Variants in OVOL1 observed in about 807,000 individuals in gnomAD.
The protein encoded by OVOL1 is putative transcription factor Ovo-like 1.
Under a neutral mutation model 21.5 loss-of-function variants are expected in OVOL1, and 10 were observed. The observed-to-expected ratio is 0.46, with a 90% confidence interval of 0.29 to 0.79. The LOEUF is 0.79. Ranked by LOEUF, OVOL1 falls within the 30% of genes least tolerant of loss-of-function variation. OVOL1 has a pLI of 0.10. For synonymous variants in OVOL1, 129 were observed against 150.3 expected (o/e 0.86, Z 1.03); for missense variants, 279 against 362.3 (o/e 0.77, Z 1.87).
At position 65,794,262 on chromosome 11, in the gene OVOL1, C is replaced by T. The variant is rs775259681; in HGVS notation, c.318+14C>T. The T allele has an allele frequency of 1.9e-5, 31 of 1,604,532 alleles. No individual in the cohort carries two copies. In the Middle Eastern group the frequency reaches 4.9e-4, roughly 26 times the overall value. On this transcript the variant is annotated intron_variant, in intron 2 of 3. Transcript: ENST00000335987. ...ACCAAGATGAAGGTAATGCCACTCG[C>T]GCTGTCTCCGAGGGCCGGGGGCGTG...
Position 65,787,142 on chromosome 11 carries a change from C to G in OVOL1, c.-232C>G. ...TTACCTGCCGCTTCCCCGCGCCGCC[C>G]GGTGCACCTGGCCGCAAGGGACCTC... On this transcript the variant is annotated 5_prime_UTR_variant, in exon 1 of 4. Transcript: ENST00000335987. The G allele has an allele frequency of 2.4e-6, 1 of 422,528 alleles. No homozygotes were observed. Among genetic ancestry groups the G allele is most frequent in the Non-Finnish European group, 4.4e-6 (1 of 225,954 alleles). 26.2% of individuals were successfully genotyped at this position (422,528 alleles called of 1,614,324 possible). A position where few individuals can be genotyped will look rare whatever the true frequency, so the allele number is the denominator to read the frequency against.
At chr11:65,790,936 G>C (rs974414572) in intron 1 of OVOL1, 1 of 152,550 alleles carries the variant, frequency 6.6e-6, no homozygotes, top group Non-Finnish European at 1.5e-5. Context: ...GGGCTCCTTT[G>C]TATCATCGGC....
In OVOL1 at chr11:65,795,160, G is replaced by C; in HGVS notation, c.623G>C (p.Arg208Pro). The change falls in exon 4 of 4, where the codon CGG (arginine) becomes CCG (proline). Residue 208 changes from arginine (R) to proline (P), a missense_variant. Transcript: ENST00000335987. This position sits in a 1 kb window ranked among gnomAD's most constrained non-coding sequence, Gnocchi z 5.7. ...GVQQKYAYKE[R>P]RAKLYVCEEC... is the part of the protein sequence containing the mutation. ...CAGCAGAAGTACGCGTACAAGGAGC[G>C]GCGGGCCAAGCTGTACGTGTGTGAG... 1.2e-6 allele frequency: 2 copies of C among 1,613,238 alleles called. No individual in the cohort carries two copies. Among genetic ancestry groups the C allele is most frequent in the Non-Finnish European group, 1.7e-6 (2 of 1,179,992 alleles).
chr11:65,794,351 G>A (rs1203083970), intron 2 of OVOL1, 103 bp downstream of exon 2: 2 of 1,214,612 alleles, frequency 1.6e-6, no homozygotes, highest in Admixed American at 1.9e-5. Flanking sequence ...AGACTGACCT[G>A]GGACCTGGGC....
intron 1 of OVOL1, chr11:65,793,660 A>C (rs1239898881): frequency 6.6e-6 from 2 of 303,786 alleles, no homozygotes; most frequent in Non-Finnish European, 1.2e-5. Context: ...CCTGGGCAGA[A>C]GGTCTCCACT....
At position 65,794,523 on chromosome 11, in the gene OVOL1, C is replaced by T. The variant is rs368774257; in HGVS notation, c.319-15C>T. The stretch of plus-strand genomic sequence containing the variant: ...ACTTCTGGATGTCTGTCAGCAATGC[C>T]GTCCTCACCCACAGGTGACCCTTGG... On this transcript the variant is annotated splice_polypyrimidine_tract_variant and intron_variant, in intron 2 of 3. Transcript: ENST00000335987. 1.7e-5 allele frequency: 27 copies of T among 1,607,902 alleles called. No homozygotes were observed. Among genetic ancestry groups the T allele is most frequent in the South Asian group, 6.6e-5 (6 of 91,030 alleles).
Position 65,794,100 on chromosome 11 carries a change from G to C in OVOL1, c.170G>C (p.Cys57Ser), listed in dbSNP as rs1858077564. Residue 57 changes from cysteine (C) to serine (S), a missense_variant, in exon 2 of 4, where the codon TGC becomes TCC. Transcript: ENST00000335987. ...CCCTCTGTGGCCGAACCCCCTTCCT[G>C]CCCGCTGGCTTTGAACATGAGCCTT... is the stretch of plus-strand genomic sequence containing the variant. The part of the protein sequence containing the change: ...PEPSVAEPPS[C>S]PLALNMSLRD... 1 of 1,613,988 alleles carries C rather than the reference G, an allele frequency of 6.2e-7. No individual in the cohort carries two copies. The highest frequency in any genetic ancestry group is 8.5e-7 in the Non-Finnish European group (1 of 1,180,022).
intron 1 of OVOL1, 142 bp from the exon 2 acceptor site, chr11:65,793,889 G>T: frequency 1.5e-6 from 1 of 651,850 alleles, no homozygotes. Context: ...TGGTGGTCGG[G>T]GCAGCCCCGC....
intron 1 of OVOL1, chr11:65,789,620 G>C (rs1409213888): frequency 9.3e-6 from 9 of 972,968 alleles, no homozygotes; most frequent in Non-Finnish European, 1.1e-5. Flanking sequence ...TCCCCTGGCT[G>C]GGCCATTCCA....
chr11:65,793,832 G>A, intron 1 of OVOL1, 199 bp from the exon 2 acceptor site: 1 of 595,782 alleles, frequency 1.7e-6, no homozygotes, highest in South Asian at 2.0e-5. Context: ...GCGCTTGGCT[G>A]GCATCACCTG....
chr11:65,788,781 G>C, intron 1 of OVOL1: 1 of 985,468 alleles, frequency 1.0e-6, no homozygotes, highest in Non-Finnish European at 1.2e-6. Flanking sequence ...GAAGACCCTG[G>C]TAACCCCAGT....
intron 1 of OVOL1, among the ~76,000 whole-genome samples, chr11:65,791,796 G>C (rs1246305248): frequency 2.0e-5 from 3 of 152,210 alleles, no homozygotes; most frequent in Non-Finnish European, 4.4e-5. Flanking sequence ...GTGATGAGTA[G>C]TCATAGCGCC....
chr11:65,795,192 G>A lies in OVOL1; in HGVS notation c.655G>A (p.Gly219Ser), dbSNP rs779727157. The change falls in exon 4 of 4, where the codon GGC becomes AGC. Residue 219 changes from glycine (G) to serine (S), a missense_variant. Transcript: ENST00000335987. This position sits in a 1 kb window ranked among gnomAD's most constrained non-coding sequence, Gnocchi z 5.7. ...CAAGCTGTACGTGTGTGAGGAGTGC[G>A]GCTGCACATCTGAGAGCCAGGAGGG... Reference protein sequence around the residue: ...RAKLYVCEECGCTSESQEGHV... With the variant: ...RAKLYVCEECSCTSESQEGHV... 20 of 1,613,166 alleles carry A rather than the reference G, an allele frequency of 1.2e-5. No individual in the cohort carries two copies. Among genetic ancestry groups the A allele is most frequent in the Non-Finnish European group, 1.7e-5 (20 of 1,180,024 alleles).
intron 1 of OVOL1, among the ~76,000 whole-genome samples, chr11:65,791,922 T>C (rs1212066941): frequency 6.6e-6 from 1 of 152,218 alleles, no homozygotes; most frequent in Non-Finnish European, 1.5e-5. Flanking sequence ...GGCACGCCAG[T>C]GTGCACTCCC....
intron 1 of OVOL1, chr11:65,788,381 G>A: frequency 1.1e-6 from 1 of 892,552 alleles, no homozygotes; most frequent in Non-Finnish European, 1.3e-6. Context: ...AAAGTCTTTG[G>A]TCTGGAGAAA....
rs928373865 is a variant in OVOL1, at chr11:65,788,541, C to A, written c.100+1068C>A. The A allele has an allele frequency of 5.7e-5, 56 of 985,292 alleles. No homozygotes were observed. In the African/African-American group the frequency reaches 8.6e-4, roughly 15 times the overall value. 61.0% of individuals were successfully genotyped at this position (985,292 alleles called of 1,614,324 possible). ...GATCTGCAGACTCCCTGGCACCGCC[C>A]CAGGCCTTGTAGGAAAGTGGGGAAA... On this transcript the variant is annotated intron_variant, in intron 1 of 3. Transcript: ENST00000335987.
At position 65,788,671 on chromosome 11, in the gene OVOL1, A is replaced by AG. The variant is rs766492813; in HGVS notation, c.100+1200dup. ...TGAGGTCTTTGTGGCCTGACCTTCC[A>AG]GGACCCAGTGGCCTGTGGCGCTGGC... On this transcript the variant is annotated intron_variant, in intron 1 of 3. Transcript: ENST00000335987. 1,691 of 985,432 alleles carry AG rather than the reference A, an allele frequency of 1.7e-3. 2 individuals are homozygous for AG. Among genetic ancestry groups the AG allele is most frequent in the Non-Finnish European group, 1.9e-3 (1,598 of 829,922 alleles). The allele number at this position is 985,432 out of a possible 1,614,324, so 61.0% of individuals were successfully genotyped here.
intron 1 of OVOL1, among the ~76,000 whole-genome samples, chr11:65,791,828 A>G (rs1316939165): frequency 6.6e-6 from 1 of 152,224 alleles, no homozygotes; most frequent in Non-Finnish European, 1.5e-5. Flanking sequence ...GGAAACATCT[A>G]ATTAGGGACA....
At position 65,796,978 on chromosome 11, in the gene OVOL1, C is replaced by T. The variant is rs1858146172; in HGVS notation, c.*1637C>T. ...AGAGGAAGGCTCCTTCCTGGACTGC[C>T]CTCTGAAATGTGTATAGATTGATTC... On this transcript the variant is annotated 3_prime_UTR_variant, in exon 4 of 4. Coordinates refer to ENST00000335987, the MANE Select transcript of OVOL1 (RefSeq NM_004561.4). 1 of 152,200 alleles carries T rather than the reference C, an allele frequency of 6.6e-6. No homozygotes were observed. The highest frequency in any genetic ancestry group is 6.5e-5 in the Admixed American group (1 of 15,290). 9.4% of individuals were successfully genotyped at this position (152,200 alleles called of 1,614,324 possible). A position where few individuals can be genotyped will look rare whatever the true frequency, so the allele number is the denominator to read the frequency against.
Sources: gnomAD v4.1 joint callset for allele counts (sites outside exome capture counted in the v4.1 genomes callset) on GRCh38, gnomAD v4.1.1 for gene constraint, Gnocchi (gnomAD v3.1) non-coding constraint, MANE v1.5 for transcripts, NCBI Gene and HGNC (gene_info 2026-07-23, HGNC 2026-07-21) for gene names.